Variants in ABCC2 observed in about 807,000 individuals in gnomAD.
The protein encoded by ABCC2 is ATP-binding cassette sub-family C member 2.
In ABCC2, 157 loss-of-function variants were observed where a neutral mutation model predicts 173.4. The observed-to-expected ratio is 0.91, with a 90% CI of 0.80 to 1.03. ABCC2 has a LOEUF of 1.03. Ranked by LOEUF, ABCC2 falls within the 50% of genes least tolerant of loss-of-function variation. The pLI, the probability that ABCC2 is intolerant of heterozygous loss-of-function variation, is 0.00. For missense variants in ABCC2, 1,822 were observed against 1,852.3 expected (o/e 0.98, Z 0.30); for synonymous variants, 657 against 693.5 (o/e 0.95, Z 0.83).
Position 99,804,027 on chromosome 10 carries a change from C to T in ABCC2, c.1218C>T (p.Thr406=). 2 of 1,614,048 alleles carry T rather than the reference C, an allele frequency of 1.2e-6. No homozygotes were observed. The highest frequency in any genetic ancestry group is 1.7e-6 in the Non-Finnish European group (2 of 1,180,000). ...TCAATCCTTATCTTTAGGCATTGAC[C>T]CTATCCAACTTGGCCAGGAAGGAGT... The part of the protein sequence containing the change: ...IMASVYKKAL[T]LSNLARKEYT... Residue 406 remains threonine, a synonymous_variant, in exon 10 of 32, where the codon ACC becomes ACT. Coordinates refer to ENST00000647814, the MANE Select transcript of ABCC2 (RefSeq NM_000392.5).
chr10:99,795,808 C>A (rs528311464), intron 6 of ABCC2, among the ~76,000 whole-genome samples: 2 of 126,154 alleles, frequency 1.6e-5, no homozygotes, highest in African/African-American at 3.0e-5. Flanking sequence ...AGAAAGATTT[C>A]TAAATGCTAG....
rs11498760 is a variant in ABCC2 at position 99,825,995 on chromosome 10, C to A, written c.2621-4312C>A. On this transcript the variant is annotated intron_variant, in intron 19 of 31. Transcript: ENST00000647814. Reference sequence around the variant, plus strand: ...GAGGCTGGCCCCTTTGGTCGTTTCCCGACAATGGTTGCCCATTTTTATCAA... The same window carrying A: ...GAGGCTGGCCCCTTTGGTCGTTTCCAGACAATGGTTGCCCATTTTTATCAA... 3.2e-3 allele frequency among the ~76,000 whole-genome samples: 483 copies of A among 152,174 alleles called. 3 individuals carry two copies. Among genetic ancestry groups the A allele is most frequent in the African/African-American group, 0.011 (455 of 41,496 alleles).
chr10:99,800,789 A>G (rs1030735780), intron 9 of ABCC2, among the ~76,000 whole-genome samples: 2 of 152,200 alleles, frequency 1.3e-5, no homozygotes, highest in African/African-American at 4.8e-5. Flanking sequence ...CCCCAGGGAG[A>G]AGCCTGCAAG....
chr10:99,806,934 G>A (rs535629624), intron 11 of ABCC2, among the ~76,000 whole-genome samples: 3 of 152,356 alleles, frequency 2.0e-5, no homozygotes, highest in South Asian at 2.1e-4. Flanking sequence ...CTAAAAGAGA[G>A]AGCTGGTTTT....
intron 8 of ABCC2, 113 bp from the exon 9 acceptor site, chr10:99,800,273 G>T: frequency 8.8e-7 from 1 of 1,130,676 alleles, no homozygotes; most frequent in South Asian, 1.2e-5. Context: ...GACAATTCTG[G>T]TCACTTTTGT....
At position 99,811,541 on chromosome 10, in the gene ABCC2, G is replaced by A; in HGVS notation, c.1906G>A (p.Ala636Thr). ...AIRHDCNFDKAMQFSEASFTW... is the reference protein window; with the variant it reads ...AIRHDCNFDKTMQFSEASFTW... ...AGAGGGCTTTTTCTCAACAGACAAAGCCATGCAGTTTTCTGAGGCCTCCTT... is the reference window on the plus strand; with the variant it reads ...AGAGGGCTTTTTCTCAACAGACAAAACCATGCAGTTTTCTGAGGCCTCCTT... Residue 636 changes from alanine (A) to threonine (T), a missense_variant, in exon 15 of 32, where the codon GCC becomes ACC. Ala to Thr is a moderately conservative substitution (Grantham distance 58, BLOSUM62 0). Transcript: ENST00000647814. 1 of 1,614,118 alleles carries A rather than the reference G, an allele frequency of 6.2e-7. No individual in the cohort carries two copies. Among genetic ancestry groups the A allele is most frequent in the Non-Finnish European group, 8.5e-7 (1 of 1,179,982 alleles).
At position 99,811,601 on chromosome 10, in the gene ABCC2, G is replaced by T. The variant is rs1310549311; in HGVS notation, c.1966G>T (p.Asp656Tyr). 1 of 1,613,982 alleles carries T rather than the reference G, an allele frequency of 6.2e-7. No individual in the cohort carries two copies. Among genetic ancestry groups the T allele is most frequent in the Non-Finnish European group, 8.5e-7 (1 of 1,179,998 alleles). The change falls in exon 15 of 32, where the codon GAT becomes TAT. Residue 656 changes from aspartate to tyrosine, a missense_variant and splice_region_variant. By Grantham distance (160) the Asp-to-Tyr change is radical. Coordinates refer to ENST00000647814, the MANE Select transcript of ABCC2 (RefSeq NM_000392.5). Reference sequence around the variant, plus strand: ...ACATGATTCGGAAGCCACAGTCCGAGAGTGAGTTGCCTTCTTTCCATCCTA... The same window carrying T: ...ACATGATTCGGAAGCCACAGTCCGATAGTGAGTTGCCTTCTTTCCATCCTA... ...WEHDSEATVRDVNLDIMAGQL... is the reference protein window; with the variant it reads ...WEHDSEATVRYVNLDIMAGQL...
At chr10:99,835,922 G>A (rs922353990) in intron 24 of ABCC2, among the ~76,000 whole-genome samples, 169 bp from the exon 25 acceptor site, 2 of 152,106 alleles carry the variant, frequency 1.3e-5, no homozygotes, top group African/African-American at 2.4e-5. Flanking sequence ...TCTCCTCCTC[G>A]GAGCCTCTCA....
At chr10:99,794,323 A>G (rs992047498) in intron 5 of ABCC2, 90 bp from the exon 6 acceptor site, 9 of 1,203,512 alleles carry the variant, frequency 7.5e-6, no homozygotes, top group Non-Finnish European at 1.1e-5. Flanking sequence ...GCACAACATT[A>G]TATCATTAAA....
intron 26 of ABCC2, among the ~76,000 whole-genome samples, chr10:99,843,567 A>C (rs2038975782): frequency 6.6e-6 from 1 of 152,144 alleles, no homozygotes. Flanking sequence ...ACCACTAGAC[A>C]CTCACATTGC....
intron 19 of ABCC2, among the ~76,000 whole-genome samples, chr10:99,828,703 T>G (rs1408677479): frequency 6.6e-6 from 1 of 152,184 alleles, no homozygotes; most frequent in African/African-American, 2.4e-5. Flanking sequence ...AGCTAGTGAT[T>G]AGACAGATAC....
intron 7 of ABCC2, chr10:99,797,715 T>A (rs185761878): frequency 1.2e-3 from 318 of 258,566 alleles, no homozygotes; most frequent in Non-Finnish European, 1.9e-3. Flanking sequence ...AGATTGCTCA[T>A]CTTTTGTGAG....
At position 99,814,546 on chromosome 10, in the gene ABCC2, CAT is replaced by C. The variant is rs1272116267; in HGVS notation, c.2094+1405_2094+1406del. Among the ~76,000 whole-genome samples the C allele has an allele frequency of 5.0e-5, 5 of 100,680 alleles. 1 individual carries two copies. Among genetic ancestry groups the C allele is most frequent in the African/African-American group, 1.2e-4 (3 of 24,448 alleles). 66.0% of individuals were successfully genotyped at this position (100,680 alleles called of 152,430 possible). A position where few individuals can be genotyped will look rare whatever the true frequency, so the allele number is the denominator to read the frequency against. On this transcript the variant is annotated intron_variant, in intron 16 of 31. Coordinates refer to ENST00000647814, the MANE Select transcript of ABCC2 (RefSeq NM_000392.5). ...ACATATATATACACATATACACACACATATGTGTATATACACATATACACACA... is the reference window on the plus strand; with the variant it reads ...ACATATATATACACATATACACACACATGTGTATATACACATATACACACA...
chr10:99,788,291 A>G (rs894297408), intron 2 of ABCC2, among the ~76,000 whole-genome samples: 2 of 152,060 alleles, frequency 1.3e-5, no homozygotes, highest in Non-Finnish European at 2.9e-5. Context: ...AAAAATCTGC[A>G]TTTTTCTCTC....
chr10:99,815,382 G>A (rs60723124), intron 16 of ABCC2, among the ~76,000 whole-genome samples: 3,338 of 152,210 alleles, frequency 0.022, 136 homozygotes, highest in African/African-American at 0.075. Flanking sequence ...TTTTAGTAGA[G>A]GCGGGGTTTT....
In ABCC2 at chr10:99,814,222, TAC is replaced by T. The variant is rs1223239194; in HGVS notation, c.2094+1084_2094+1085del. On this transcript the variant is annotated intron_variant, in intron 16 of 31. Transcript: ENST00000647814. ...GTATATATACACACATGTGTATATATACACACATGTGTATATATGCACACACG... is the reference window on the plus strand; with the variant it reads ...GTATATATACACACATGTGTATATATACACATGTGTATATATGCACACACG... Among the ~76,000 whole-genome samples the T allele has an allele frequency of 3.0e-4, 16 of 53,956 alleles. 1 individual carries two copies. The highest frequency in any genetic ancestry group is 7.8e-4 in the African/African-American group (10 of 12,888). The allele number at this position is 53,956 out of a possible 152,430, so 35.4% of individuals were successfully genotyped here.
In ABCC2 at chr10:99,793,889, T is replaced by C. The variant is rs2037850942; in HGVS notation, c.469-3T>C. On this transcript the variant is annotated splice_polypyrimidine_tract_variant and splice_region_variant and intron_variant, in intron 4 of 31. Transcript: ENST00000647814. ...TTTTTCCTCTTTGTTTTTTTCCTCA[T>C]AGGGTGACAATTCTAATCTAGCCTA... is the stretch of plus-strand genomic sequence containing the variant. 17 of 1,611,856 alleles carry C rather than the reference T, an allele frequency of 1.1e-5. No homozygotes were observed. The highest frequency in any genetic ancestry group is 1.4e-5 in the Non-Finnish European group (17 of 1,178,120).
intron 16 of ABCC2, among the ~76,000 whole-genome samples, chr10:99,814,051 T>G (rs1329337616): frequency 2.7e-5 from 4 of 148,530 alleles, no homozygotes; most frequent in Non-Finnish European, 5.9e-5. Flanking sequence ...TGTTGTCTTC[T>G]TCATCAATTT....
intron 2 of ABCC2, among the ~76,000 whole-genome samples, chr10:99,786,557 A>G (rs913216238): frequency 1.3e-5 from 2 of 152,232 alleles, no homozygotes; most frequent in Non-Finnish European, 2.9e-5. Context: ...TGTACATACC[A>G]TACAGTTCTC....
Sources: allele counts gnomAD v4.1 joint callset (sites outside exome capture counted in the v4.1 genomes callset), GRCh38; gene constraint gnomAD v4.1.1; transcripts MANE v1.5; gene names NCBI Gene and HGNC (gene_info 2026-07-23, HGNC 2026-07-21).